Variants in PPM1H observed in about 807,000 individuals in gnomAD.
PPM1H encodes the protein protein phosphatase 1H.
PPM1H carries 27 observed loss-of-function variants against 54.9 expected under a neutral mutation model. The observed-to-expected ratio is 0.49, with a 90% confidence interval of 0.36 to 0.68. The LOEUF is 0.68. Ranked by LOEUF, PPM1H falls within the 30% of genes least tolerant of loss-of-function variation. The probability of loss-of-function intolerance (pLI) is 0.00; values close to 1 mark genes in which losing one functional copy is unlikely to be tolerated. For missense variants in PPM1H, 596 were observed against 667.8 expected (o/e 0.89, Z 1.19); for synonymous variants, 305 against 270.8 (o/e 1.13, Z -1.24).
intron 2 of PPM1H, among the ~76,000 whole-genome samples, chr12:62,805,828 G>A (rs1181847878): frequency 2.0e-5 from 3 of 152,176 alleles, no homozygotes; most frequent in African/African-American, 7.2e-5. Flanking sequence ...AATTACCTGA[G>A]AGAGTAGATT....
At position 62,736,325 on chromosome 12, in the gene PPM1H, G is replaced by C. The variant is rs552817991; in HGVS notation, c.954+1177C>G. Among the ~76,000 whole-genome samples the C allele has an allele frequency of 2.4e-4, 36 of 152,278 alleles. No individual in the cohort carries two copies. The East Asian group carries it at 5.0e-3, about 21-fold the overall frequency. ...CTGGGGCCAGAATGAAGATCTGAAG[G>C]CTGCAGTGGGGTCCTTTCCACCGGC... On this transcript the variant is annotated intron_variant, in intron 5 of 9. Coordinates refer to ENST00000228705, the MANE Select transcript of PPM1H (RefSeq NM_020700.2).
At chr12:62,827,484 C>T (rs2120839580) in intron 2 of PPM1H, among the ~76,000 whole-genome samples, 1 of 152,292 alleles carries the variant, frequency 6.6e-6, no homozygotes, top group Middle Eastern at 3.4e-3. Context: ...GTCAGCCTTC[C>T]CACTGCCATC....
At chr12:62,663,630 T>G (rs923651716) in intron 9 of PPM1H, among the ~76,000 whole-genome samples, 1 of 152,214 alleles carries the variant, frequency 6.6e-6, no homozygotes, top group Non-Finnish European at 1.5e-5. Flanking sequence ...ATTATGGTTA[T>G]AATTGTACTG....
intron 8 of PPM1H, 119 bp from the exon 9 acceptor site, chr12:62,667,448 A>C: frequency 1.1e-6 from 1 of 890,450 alleles, no homozygotes; most frequent in Non-Finnish European, 1.7e-6. Context: ...TCAGATATGC[A>C]TTGTAGGGTA....
In PPM1H at chr12:62,737,578, A is replaced by C; in HGVS notation, c.878T>G (p.Ile293Ser). 1 of 1,573,844 alleles carries C rather than the reference A, an allele frequency of 6.4e-7. No homozygotes were observed. The change falls in exon 5 of 10, where the codon ATC becomes AGC. Residue 293 changes from isoleucine (I) to serine (S), a missense_variant. Physicochemically the swap from Ile to Ser is moderately radical, Grantham distance 142 (BLOSUM62 -2). This residue lies in a region of PPM1H where 6 missense variants were observed against 21.2 expected (regional missense o/e 0.28). Coordinates refer to ENST00000228705, the MANE Select transcript of PPM1H (RefSeq NM_020700.2). Reference sequence around the variant, plus strand: ...GGGGATAATTTCTCCATTTCTGATGATTATGGCCCTGAAATGGTGAAAATG... The same window carrying C: ...GGGGATAATTTCTCCATTTCTGATGCTTATGGCCCTGAAATGGTGAAAATG... Reference protein sequence around the residue: ...VANAGDSRAIIIRNGEIIPMS... With the variant: ...VANAGDSRAISIRNGEIIPMS...
At chr12:62,719,117 C>T (rs1400484064) in intron 6 of PPM1H, among the ~76,000 whole-genome samples, 1 of 152,188 alleles carries the variant, frequency 6.6e-6, no homozygotes, top group Admixed American at 6.5e-5. Context: ...AGAAACTTCT[C>T]TTGGTTGGCA....
chr12:62,715,435 T>C (rs2076229647), intron 6 of PPM1H, among the ~76,000 whole-genome samples: 2 of 150,828 alleles, frequency 1.3e-5, no homozygotes, highest in Admixed American at 1.3e-4. Flanking sequence ...GTGCAAACTA[T>C]CTGAGGAGAG....
At chr12:62,877,937 G>C (rs754964692) in intron 1 of PPM1H, among the ~76,000 whole-genome samples, 5 of 152,100 alleles carry the variant, frequency 3.3e-5, no homozygotes, top group Admixed American at 6.5e-5. Flanking sequence ...TCGCTCTATC[G>C]TCCAGGCTGG....
chr12:62,686,537 A>G (rs976972940), intron 8 of PPM1H, among the ~76,000 whole-genome samples: 2 of 152,172 alleles, frequency 1.3e-5, no homozygotes, highest in Non-Finnish European at 2.9e-5. Flanking sequence ...GAGGTCCGAC[A>G]TTTATTGCTC....
chr12:62,924,086 A>G (rs1052924419), intron 1 of PPM1H, among the ~76,000 whole-genome samples: 3 of 152,216 alleles, frequency 2.0e-5, no homozygotes, highest in African/African-American at 7.2e-5. Context: ...AAATAAAGTT[A>G]ATAACCTCAT....
intron 1 of PPM1H, among the ~76,000 whole-genome samples, chr12:62,918,909 AG>A (rs1415286962): frequency 6.6e-6 from 1 of 152,242 alleles, no homozygotes; most frequent in Non-Finnish European, 1.5e-5. Flanking sequence ...AGCTAATTAC[AG>A]GTGATAGAAT....
intron 1 of PPM1H, among the ~76,000 whole-genome samples, chr12:62,885,007 C>CT (rs1870536487): frequency 1.3e-5 from 2 of 152,116 alleles, no homozygotes; most frequent in African/African-American, 4.8e-5. Flanking sequence ...TTCCACATGG[C>CT]TGGGGAGGCC....
intron 4 of PPM1H, among the ~76,000 whole-genome samples, chr12:62,766,195 A>C (rs1592588083): frequency 6.6e-6 from 1 of 152,140 alleles, no homozygotes; most frequent in East Asian, 1.9e-4. Flanking sequence ...TTTTTGGTTT[A>C]AGTTTAGGCA....
intron 2 of PPM1H, among the ~76,000 whole-genome samples, chr12:62,804,933 C>A (rs1455634556): frequency 2.0e-5 from 3 of 152,062 alleles, no homozygotes; most frequent in Non-Finnish European, 4.4e-5. Flanking sequence ...CCTCGGCCTC[C>A]CAAAGTGCTG....
chr12:62,898,107 A>G (rs528357824), intron 1 of PPM1H, among the ~76,000 whole-genome samples: 14 of 152,308 alleles, frequency 9.2e-5, no homozygotes, highest in Admixed American at 2.6e-4. Context: ...AATGAGTTAA[A>G]CTATAGCACA....
chr12:62,809,777 T>C (rs1205450339), intron 2 of PPM1H, among the ~76,000 whole-genome samples: 1 of 152,244 alleles, frequency 6.6e-6, no homozygotes, highest in Non-Finnish European at 1.5e-5. Flanking sequence ...ATCTAGTTAC[T>C]ATTCACTCTT....
In PPM1H at chr12:62,932,628, C is replaced by CTTTTTTTTTTTTTTTTTTTTT. The variant is rs61003358; in HGVS notation, c.245+1843_245+1863dup. Among the ~76,000 whole-genome samples the CTTTTTTTTTTTTTTTTTTTTT allele has an allele frequency of 1.8e-3, 95 of 54,006 alleles. 30 individuals are homozygous for CTTTTTTTTTTTTTTTTTTTTT. Among genetic ancestry groups the CTTTTTTTTTTTTTTTTTTTTT allele is most frequent in the South Asian group, 2.4e-3 (2 of 844 alleles). The allele number at this position is 54,006 out of a possible 152,430, so 35.4% of individuals were successfully genotyped here. A position where few individuals can be genotyped will look rare whatever the true frequency, so the allele number is the denominator to read the frequency against. On this transcript the variant is annotated intron_variant, in intron 1 of 9. Coordinates refer to ENST00000228705, the MANE Select transcript of PPM1H (RefSeq NM_020700.2). ...CTGTCTCGTAAAGGGTCCAAATGGG[C>CTTTTTTTTTTTTTTTTTTTTT]TTTTTTTTTTTTTTTTTTTTTTTGA... is the stretch of plus-strand genomic sequence containing the variant.
intron 2 of PPM1H, among the ~76,000 whole-genome samples, chr12:62,826,045 G>A (rs756480908): frequency 6.6e-6 from 1 of 152,258 alleles, no homozygotes; most frequent in Non-Finnish European, 1.5e-5. Context: ...TTTAAGGTTT[G>A]CTTTAAAATG....
chr12:62,783,687 G>GTATTTA (rs2076654757), intron 4 of PPM1H, among the ~76,000 whole-genome samples: 2 of 152,240 alleles, frequency 1.3e-5, no homozygotes, highest in African/African-American at 4.8e-5. Flanking sequence ...CTTTGTTATA[G>GTATTTA]TATTTAATAC....
Sources: allele counts gnomAD v4.1 joint callset (sites outside exome capture counted in the v4.1 genomes callset), GRCh38; gene constraint gnomAD v4.1.1; regional missense constraint gnomAD v4.1.1; transcripts MANE v1.5; gene names NCBI Gene and HGNC (gene_info 2026-07-23, HGNC 2026-07-21).